The following TBL1XR1 variants were observed in gnomAD, a reference collection of about 807,000 sequenced individuals.
The protein encoded by TBL1XR1 is TBL1X/Y related 1.
Under a neutral mutation model 66.9 loss-of-function variants are expected in TBL1XR1, and 5 were observed. The ratio of observed to expected loss-of-function variants is 0.07; its 90% CI spans 0.04 to 0.16. The LOEUF is 0.16. TBL1XR1 is among the 10% of genes least tolerant of loss of function. The pLI is 1.00. For synonymous variants in TBL1XR1, 210 were observed against 206.0 expected (o/e 1.02, Z -0.17); for missense variants, 238 against 623.2 (o/e 0.38, Z 6.58).
chr3:177,034,366 C>A (rs1714460809), intron 12 of TBL1XR1, 41 bp from the exon 13 acceptor site: 3 of 1,367,524 alleles, frequency 2.2e-6, no homozygotes, highest in Admixed American at 3.0e-5. Flanking sequence ...TTTTTCCATA[C>A]AATGAGTATA....
chr3:177,037,232 CTTA>C (rs949249813), intron 12 of TBL1XR1, among the ~76,000 whole-genome samples: 28 of 152,218 alleles, frequency 1.8e-4, no homozygotes, highest in African/African-American at 5.5e-4. Context: ...ATTTTGAGTA[CTTA>C]TTAAGTCAAA....
intron 1 of TBL1XR1, among the ~76,000 whole-genome samples, chr3:177,135,333 G>GTGTGTGTGTGTGTGTATA (rs1560213907): frequency 3.7e-5 from 2 of 53,814 alleles, no homozygotes; most frequent in Non-Finnish European, 3.7e-5. Flanking sequence ...GTGTGTGTGT[G>GTGTGTGTGTGTGTGTATA]TATACATATA....
rs1043707933 is a variant in TBL1XR1, at chr3:177,150,266, G to A, written c.-122+46855C>T. ...ACAAACTGGCCTTAGAGAGACATAT[G>A]GAATGGTATTCAAGAATACAACAGA... On this transcript the variant is annotated intron_variant, in intron 1 of 15. Coordinates refer to ENST00000457928, the MANE Select transcript of TBL1XR1 (RefSeq NM_024665.7). 2.6e-5 allele frequency among the ~76,000 whole-genome samples: 4 copies of A among 152,156 alleles called. No individual in the cohort carries two copies. The East Asian group carries it at 7.7e-4, about 29-fold the overall frequency.
At chr3:177,142,027 G>A (rs1729689622) in intron 1 of TBL1XR1, among the ~76,000 whole-genome samples, 1 of 152,204 alleles carries the variant, frequency 6.6e-6, no homozygotes, top group Non-Finnish European at 1.5e-5. Context: ...AATAAGAATA[G>A]TGATTGCCAG....
chr3:177,056,830 G>T (rs1273224435), intron 3 of TBL1XR1, among the ~76,000 whole-genome samples: 1 of 152,012 alleles, frequency 6.6e-6, no homozygotes, highest in Non-Finnish European at 1.5e-5. Flanking sequence ...TCTACCATCT[G>T]TAGATGCTCA....
chr3:177,030,912 G>A (rs1444116625), intron 14 of TBL1XR1, among the ~76,000 whole-genome samples: 1 of 152,140 alleles, frequency 6.6e-6, no homozygotes, highest in Non-Finnish European at 1.5e-5. Flanking sequence ...AGGAGTCTGG[G>A]ACCAGCCTGG....
At chr3:177,149,625 G>A (rs938610575) in intron 1 of TBL1XR1, among the ~76,000 whole-genome samples, 1 of 152,102 alleles carries the variant, frequency 6.6e-6, no homozygotes, top group Non-Finnish European at 1.5e-5. Context: ...TCTGAAACAG[G>A]AGTTGACAAA....
intron 1 of TBL1XR1, among the ~76,000 whole-genome samples, chr3:177,141,217 G>C (rs2108819387): frequency 6.6e-6 from 1 of 152,172 alleles, no homozygotes; most frequent in East Asian, 1.9e-4. Context: ...CTTGGGGATG[G>C]GGGAAAAAGA....
rs563408803 is a variant in TBL1XR1, at chr3:177,183,623, G to A, written c.-122+13498C>T. ...CCTCCCGGGTTCAAGTGATTCTCCT[G>A]CCTCAGCCTCCGCAGCTGGGATTAC... On this transcript the variant is annotated intron_variant, in intron 1 of 15. Transcript: ENST00000457928. 8.6e-5 allele frequency among the ~76,000 whole-genome samples: 13 copies of A among 151,158 alleles called. No individual in the cohort carries two copies. In the South Asian group the frequency reaches 2.3e-3, roughly 27 times the overall value.
At chr3:177,025,995 G>C (rs1713066524) in intron 15 of TBL1XR1, 1 of 284,734 alleles carries the variant, frequency 3.5e-6, no homozygotes, top group Non-Finnish European at 6.5e-6. Flanking sequence ...CTCAACACAG[G>C]AACCAACTGC....
At chr3:177,034,360 T>C in intron 12 of TBL1XR1, 35 bp from the exon 13 acceptor site, 1 of 1,415,510 alleles carries the variant, frequency 7.1e-7, no homozygotes, top group Non-Finnish European at 9.4e-7. Flanking sequence ...CAATTATTTT[T>C]CCATACAATG....
chr3:177,174,182 G>A (rs1220257918), intron 1 of TBL1XR1, among the ~76,000 whole-genome samples: 1 of 152,044 alleles, frequency 6.6e-6, no homozygotes, highest in East Asian at 1.9e-4. Flanking sequence ...TGGAGGCCAA[G>A]GCGGATCACG....
chr3:177,122,686 AGGCAGTTGCAAAG>A (rs1165177311), intron 1 of TBL1XR1, among the ~76,000 whole-genome samples: 1 of 152,172 alleles, frequency 6.6e-6, no homozygotes, highest in Non-Finnish European at 1.5e-5. Flanking sequence ...GGGCTAAATA[AGGCAGTTGCAAAG>A]AGCAACAGGT....
At chr3:177,073,483 C>T (rs1720300901) in intron 2 of TBL1XR1, among the ~76,000 whole-genome samples, 1 of 152,168 alleles carries the variant, frequency 6.6e-6, no homozygotes, top group Admixed American at 6.5e-5. Context: ...CATCTACTAA[C>T]TCTAAAACAT....
intron 1 of TBL1XR1, among the ~76,000 whole-genome samples, chr3:177,167,917 A>T (rs972146695): frequency 1.3e-5 from 2 of 151,634 alleles, no homozygotes; most frequent in Admixed American, 1.3e-4. Flanking sequence ...CAAGAGCGAA[A>T]CACTGTTTCA....
intron 2 of TBL1XR1, among the ~76,000 whole-genome samples, chr3:177,067,166 T>C (rs1160459075): frequency 6.6e-6 from 1 of 152,178 alleles, no homozygotes; most frequent in Admixed American, 6.5e-5. Context: ...CTAAATTGAA[T>C]GACTTTAAAA....
chr3:177,153,049 G>A (rs1577325578), intron 1 of TBL1XR1, among the ~76,000 whole-genome samples: 1 of 152,148 alleles, frequency 6.6e-6, no homozygotes, highest in Non-Finnish European at 1.5e-5. Context: ...GCTGAGGCAC[G>A]AGAATCGCCC....
chr3:177,192,328 A>T (rs1736252242), intron 1 of TBL1XR1, among the ~76,000 whole-genome samples: 1 of 151,692 alleles, frequency 6.6e-6, no homozygotes, highest in Non-Finnish European at 1.5e-5. Context: ...GGTTGCAGTA[A>T]GAGGAGATCG....
intron 1 of TBL1XR1, among the ~76,000 whole-genome samples, chr3:177,144,349 C>T (rs1729986516): frequency 1.3e-5 from 2 of 152,190 alleles, no homozygotes; most frequent in South Asian, 4.1e-4. Flanking sequence ...AATCGTTCTC[C>T]ATCTTAAGCC....
Sources: gnomAD v4.1 joint callset for allele counts (sites outside exome capture counted in the v4.1 genomes callset) on GRCh38, gnomAD v4.1.1 for gene constraint, MANE v1.5 for transcripts, NCBI Gene and HGNC (gene_info 2026-07-23, HGNC 2026-07-21) for gene names.